The following GDF11 variants were observed in gnomAD, a reference collection of about 807,000 sequenced individuals.
GDF11 encodes the protein growth differentiation factor 11.
GDF11 carries 12 observed loss-of-function variants against 34.4 expected under a neutral mutation model. That is an observed-to-expected ratio of 0.35 (90% CI 0.22 to 0.57). The LOEUF is 0.57. Ranked by LOEUF, GDF11 falls within the 20% of genes least tolerant of loss-of-function variation. GDF11 has a pLI of 0.86. For missense variants in GDF11, 346 were observed against 548.2 expected, an observed-to-expected ratio of 0.63 and a Z score of 3.68; for synonymous variants, 212 against 231.1, an observed-to-expected ratio of 0.92 and a Z score of 0.75.
rs1592550405 is a variant in GDF11, at chr12:55,756,594, G to A, written c.*6712G>A. Reference sequence around the variant, plus strand: ...ACCAAAAATAGCTCAAACAAAAACCGAGCTTATATAAAGATTAAGAGGAGA... The same window carrying A: ...ACCAAAAATAGCTCAAACAAAAACCAAGCTTATATAAAGATTAAGAGGAGA... On this transcript the variant is annotated 3_prime_UTR_variant, in exon 3 of 3. Transcript: ENST00000257868. The A allele has an allele frequency of 6.6e-6, 1 of 152,114 alleles. No individual in the cohort carries two copies. Among genetic ancestry groups the A allele is most frequent in the Non-Finnish European group, 1.5e-5 (1 of 68,026 alleles). The allele number at this position is 152,114 out of a possible 1,614,324, so 9.4% of individuals were successfully genotyped here.
chr12:55,753,997 T>C lies in GDF11; in HGVS notation c.*4115T>C, dbSNP rs1042052229. 2.0e-5 allele frequency: 3 copies of C among 152,186 alleles called. No individual in the cohort carries two copies. The highest frequency in any genetic ancestry group is 4.8e-5 in the African/African-American group (2 of 41,430). 9.4% of individuals were successfully genotyped at this position (152,186 alleles called of 1,614,324 possible). ...GTAAAATAAAAATAAGGAAAGCTCC[T>C]GTGACATCAACCTGATCCAGAATTG... is the stretch of plus-strand genomic sequence containing the variant. On this transcript the variant is annotated 3_prime_UTR_variant, in exon 3 of 3. Transcript: ENST00000257868.
Position 55,751,655 on chromosome 12 carries a change from C to T in GDF11, c.*1773C>T, listed in dbSNP as rs940608408. 6.6e-6 allele frequency: 1 copy of T among 152,066 alleles called. No homozygotes were observed. Among genetic ancestry groups the T allele is most frequent in the Non-Finnish European group, 1.5e-5 (1 of 68,048 alleles). The allele number at this position is 152,066 out of a possible 1,614,324, so 9.4% of individuals were successfully genotyped here. A position where few individuals can be genotyped will look rare whatever the true frequency, so the allele number is the denominator to read the frequency against. On this transcript the variant is annotated 3_prime_UTR_variant, in exon 3 of 3. Transcript: ENST00000257868. ...TCCCAGCTGGACAGTGCCTAGAAGC[C>T]AAGGAGTTGAGAATCTCCTGATCCA... is the stretch of plus-strand genomic sequence containing the variant.
Position 55,752,819 on chromosome 12 carries a change from T to G in GDF11, c.*2937T>G, listed in dbSNP as rs1878366465. 1 of 151,930 alleles carries G rather than the reference T, an allele frequency of 6.6e-6. No individual in the cohort carries two copies. The highest frequency in any genetic ancestry group is 2.1e-4 in the South Asian group (1 of 4,814). The allele number at this position is 151,930 out of a possible 1,614,324, so 9.4% of individuals were successfully genotyped here. On this transcript the variant is annotated 3_prime_UTR_variant, in exon 3 of 3. Coordinates refer to ENST00000257868, the MANE Select transcript of GDF11 (RefSeq NM_005811.5). ...TGCTCTGAGTTTTGGGATGGTCACA[T>G]GACACAATCCAGCACTTGAACCTGA...
rs1878105289 is a variant in GDF11 at position 55,743,418 on chromosome 12, G to A, written c.102G>A (p.Ala34=). The stretch of plus-strand genomic sequence containing the variant: ...AGGGCCCCGCGGCGGCGGCGGCGGC[G>A]GCGGCGGCGGCGGCAGCGGCGGGGG... ...AAEGPAAAAA[A]AAAAAAAGVG... Residue 34 remains alanine (A), a synonymous_variant, in exon 1 of 3, where the codon GCG becomes GCA. Transcript: ENST00000257868. 1.9e-6 allele frequency: 2 copies of A among 1,041,346 alleles called. No homozygotes were observed. Among genetic ancestry groups the A allele is most frequent in the African/African-American group, 1.7e-5 (1 of 57,992 alleles). 64.5% of individuals were successfully genotyped at this position (1,041,346 alleles called of 1,614,324 possible).
Position 55,753,793 on chromosome 12 carries a change from AAAG to A in GDF11, c.*3912_*3914del, listed in dbSNP as rs1878414852. On this transcript the variant is annotated 3_prime_UTR_variant, in exon 3 of 3. Coordinates refer to ENST00000257868, the MANE Select transcript of GDF11 (RefSeq NM_005811.5). ...TCCAAAAAAAAAAAAAAAAAAAAAA[AAAG>A]GAAAGCAGGACCCAGTGGTGTGCTC... 1 of 151,102 alleles carries A rather than the reference AAAG, an allele frequency of 6.6e-6. No homozygotes were observed. The highest frequency in any genetic ancestry group is 1.5e-5 in the Non-Finnish European group (1 of 67,914). 9.4% of individuals were successfully genotyped at this position (151,102 alleles called of 1,614,324 possible). A position where few individuals can be genotyped will look rare whatever the true frequency, so the allele number is the denominator to read the frequency against.
At chr12:55,747,467 T>TA (rs969123214) in intron 1 of GDF11, among the ~76,000 whole-genome samples, 1 of 152,126 alleles carries the variant, frequency 6.6e-6, no homozygotes, top group African/African-American at 2.4e-5. Flanking sequence ...GGAGGATACT[T>TA]AAAGGCCTAG....
chr12:55,744,569 C>T (rs1878138840), intron 1 of GDF11, among the ~76,000 whole-genome samples: 1 of 152,042 alleles, frequency 6.6e-6, no homozygotes, highest in East Asian at 1.9e-4. Context: ...CCTGACCAAA[C>T]GGAAGATGAA....
Position 55,754,093 on chromosome 12 carries a change from A to AC in GDF11, c.*4215dup, listed in dbSNP as rs1878426685. 1 of 152,142 alleles carries AC rather than the reference A, an allele frequency of 6.6e-6. No homozygotes were observed. The highest frequency in any genetic ancestry group is 1.5e-5 in the Non-Finnish European group (1 of 68,024). 9.4% of individuals were successfully genotyped at this position (152,142 alleles called of 1,614,324 possible). On this transcript the variant is annotated 3_prime_UTR_variant, in exon 3 of 3. Transcript: ENST00000257868. The stretch of plus-strand genomic sequence containing the variant: ...TCTTATCAGTTCTATCAGCACACTG[A>AC]CCCCACTCGAGACCAACTACAAGAC...
Position 55,756,108 on chromosome 12 carries a change from TAG to T in GDF11, c.*6233_*6234del, listed in dbSNP as rs778140264. 6.6e-6 allele frequency: 1 copy of T among 151,692 alleles called. No individual in the cohort carries two copies. Among genetic ancestry groups the T allele is most frequent in the Non-Finnish European group, 1.5e-5 (1 of 67,930 alleles). 9.4% of individuals were successfully genotyped at this position (151,692 alleles called of 1,614,324 possible). ...ATTCTGTTTTCAGATGAAGGCAGAG[TAG>T]AGAGAGGAAAAGCTAGCCCCAAGAT... On this transcript the variant is annotated 3_prime_UTR_variant, in exon 3 of 3. Coordinates refer to ENST00000257868, the MANE Select transcript of GDF11 (RefSeq NM_005811.5).
Position 55,748,963 on chromosome 12 carries a change from G to C in GDF11, c.823G>C (p.Gly275Arg). 2.5e-6 allele frequency: 4 copies of C among 1,599,532 alleles called. No homozygotes were observed. The highest frequency in any genetic ancestry group is 3.4e-6 in the Non-Finnish European group (4 of 1,179,346). The change falls in exon 2 of 3, where the codon GGG becomes CGG. Residue 275 changes from glycine (G) to arginine (R), a missense_variant. Physicochemically the swap from Gly to Arg is moderately radical, Grantham distance 125. Around this residue, in one of 3 missense-constraint regions of GDF11, gnomAD observed 205 missense variants for 311.3 expected, o/e 0.66. Coordinates refer to ENST00000257868, the MANE Select transcript of GDF11 (RefSeq NM_005811.5). This position sits in a 1 kb window ranked among gnomAD's most constrained non-coding sequence, Gnocchi z 5.6. ...SGTDLAVTSL[G>R]PGAEGLHPFM... ...CACAGACCTGGCTGTCACCTCCCTG[G>C]GGCCGGGAGCCGAGGGGCTGGTGAG...
chr12:55,749,395 GA>G lies in GDF11; in HGVS notation c.844-105del. ...GGGGTGGGAGCAATGGAAAAGCTGA[GA>G]AGTCAGCAGTCTCTATTCTGATGCC... On this transcript the variant is annotated intron_variant, in intron 2 of 2. Coordinates refer to ENST00000257868, the MANE Select transcript of GDF11 (RefSeq NM_005811.5). The surrounding 1 kb of genome is among the most constrained non-coding windows in gnomAD (Gnocchi z 5.6). 8.2e-7 allele frequency: 1 copy of G among 1,217,138 alleles called. No individual in the cohort carries two copies. The highest frequency in any genetic ancestry group is 1.1e-6 in the Non-Finnish European group (1 of 876,254). 75.4% of individuals were successfully genotyped at this position (1,217,138 alleles called of 1,614,324 possible).
At chr12:55,747,453 A>G (rs1460051293) in intron 1 of GDF11, among the ~76,000 whole-genome samples, 1 of 152,130 alleles carries the variant, frequency 6.6e-6, no homozygotes, top group Non-Finnish European at 1.5e-5. Context: ...AACTCAAGAC[A>G]TGGGGAGGAT....
chr12:55,743,823 C>T, intron 1 of GDF11, 62 bp downstream of exon 1: 1 of 1,340,632 alleles, frequency 7.5e-7, no homozygotes, highest in Non-Finnish European at 1.0e-6. Flanking sequence ...AGGGCGCCTT[C>T]TGCTCCAAGC....
At position 55,750,582 on chromosome 12, in the gene GDF11, C is replaced by T. The variant is rs1878288565; in HGVS notation, c.*700C>T. ...CCCTGCTCTCCCCAACACCTACTCA[C>T]TTAAGCACTTGTATAAAGCCTCCAG... On this transcript the variant is annotated 3_prime_UTR_variant, in exon 3 of 3. Transcript: ENST00000257868. The T allele has an allele frequency of 1.3e-5, 2 of 152,200 alleles. No homozygotes were observed. The highest frequency in any genetic ancestry group is 4.8e-5 in the African/African-American group (2 of 41,442). The allele number at this position is 152,200 out of a possible 1,614,324, so 9.4% of individuals were successfully genotyped here.
Position 55,755,452 on chromosome 12 carries a change from G to A in GDF11, c.*5570G>A, listed in dbSNP as rs975499307. The A allele has an allele frequency of 3.9e-5, 6 of 152,166 alleles. No individual in the cohort carries two copies. The highest frequency in any genetic ancestry group is 1.4e-4 in the African/African-American group (6 of 41,406). The allele number at this position is 152,166 out of a possible 1,614,324, so 9.4% of individuals were successfully genotyped here. ...GCTTTTATAGACTCCCTCATTAAGA[G>A]CTTCCAGGTATGCAGAGAATGTCAC... On this transcript the variant is annotated 3_prime_UTR_variant, in exon 3 of 3. Coordinates refer to ENST00000257868, the MANE Select transcript of GDF11 (RefSeq NM_005811.5).
chr12:55,753,314 T>C lies in GDF11; in HGVS notation c.*3432T>C, dbSNP rs767724142. On this transcript the variant is annotated 3_prime_UTR_variant, in exon 3 of 3. Transcript: ENST00000257868. ...AGTTTGACAAAAATCTAAACCAACATAGCCAACGAACTTGCCTTGTTACAC... is the reference window on the plus strand; with the variant it reads ...AGTTTGACAAAAATCTAAACCAACACAGCCAACGAACTTGCCTTGTTACAC... 2.0e-5 allele frequency: 3 copies of C among 152,212 alleles called. No individual in the cohort carries two copies. The highest frequency in any genetic ancestry group is 2.9e-5 in the Non-Finnish European group (2 of 68,038). The allele number at this position is 152,212 out of a possible 1,614,324, so 9.4% of individuals were successfully genotyped here.
At position 55,743,551 on chromosome 12, in the gene GDF11, A is replaced by G. The variant is rs1370633843; in HGVS notation, c.235A>G (p.Ile79Val). ...CAGCCGCGAGCTGCGCCTAGAGAGC[A>G]TCAAGTCGCAGATCTTGAGCAAACT... ...QHSRELRLES[I>V]KSQILSKLRL... The change falls in exon 1 of 3, where the codon ATC (isoleucine) becomes GTC (valine). Residue 79 changes from isoleucine (I) to valine (V), a missense_variant. Physicochemically the swap from Ile to Val is conservative, Grantham distance 29. Around this residue, in one of 3 missense-constraint regions of GDF11, gnomAD observed 141 missense variants for 213.8 expected, o/e 0.66. Transcript: ENST00000257868. The G allele has an allele frequency of 2.5e-6, 4 of 1,603,634 alleles. No homozygotes were observed. In the South Asian group the frequency reaches 4.4e-5, roughly 18 times the overall value.
chr12:55,745,833 C>G (rs916264109), intron 1 of GDF11, among the ~76,000 whole-genome samples: 6 of 151,504 alleles, frequency 4.0e-5, no homozygotes, highest in Non-Finnish European at 5.9e-5. Context: ...TCCCACCAAG[C>G]CTTCATCCTG....
In GDF11 at chr12:55,749,574, G is replaced by C; in HGVS notation, c.916G>C (p.Glu306Gln). 1 of 1,614,064 alleles carries C rather than the reference G, an allele frequency of 6.2e-7. No homozygotes were observed. Among genetic ancestry groups the C allele is most frequent in the Non-Finnish European group, 8.5e-7 (1 of 1,179,990 alleles). The change falls in exon 3 of 3, where the codon GAG becomes CAG. Residue 306 changes from glutamate (E) to glutamine (Q), a missense_variant. Around this residue, in one of 3 missense-constraint regions of GDF11, gnomAD observed 205 missense variants for 311.3 expected, o/e 0.66. Transcript: ENST00000257868. The surrounding 1 kb of genome is among the most constrained non-coding windows in gnomAD (Gnocchi z 5.6). ...SRRNLGLDCDEHSSESRCCRY... is the reference protein window; with the variant it reads ...SRRNLGLDCDQHSSESRCCRY... ...GCGGAACCTGGGTCTGGACTGCGAC[G>C]AGCACTCAAGCGAGTCCCGCTGCTG...
Sources: gnomAD v4.1 joint callset for allele counts (sites outside exome capture counted in the v4.1 genomes callset) on GRCh38, gnomAD v4.1.1 for gene constraint, gnomAD v4.1.1 regional missense constraint, Gnocchi (gnomAD v3.1) non-coding constraint, MANE v1.5 for transcripts, NCBI Gene and HGNC (gene_info 2026-07-23, HGNC 2026-07-21) for gene names.